The following SPMIP2 variants were observed in gnomAD, a reference collection of about 807,000 sequenced individuals.
SPMIP2 encodes protein SPMIP2.
the SPMIP2 span, among the ~76,000 whole-genome samples, chr4:158,946,998 G>A: frequency 6.6e-6 from 1 of 152,116 alleles, no homozygotes; most frequent in Non-Finnish European, 1.5e-5. Flanking sequence ...TCCTGACTAC[G>A]GCAGCAGCTT....
the SPMIP2 span, among the ~76,000 whole-genome samples, chr4:158,958,295 T>C: frequency 6.6e-6 from 1 of 152,206 alleles, no homozygotes; most frequent in Non-Finnish European, 1.5e-5. Flanking sequence ...CATGTCCTGT[T>C]AGTTTTTTAT....
the SPMIP2 span, among the ~76,000 whole-genome samples, chr4:159,036,029 A>G: frequency 2.5e-3 from 379 of 152,356 alleles, 2 homozygotes; most frequent in African/African-American, 8.8e-3. Context: ...TAAATAGTTA[A>G]TAGATGTTTG....
chr4:159,075,681 C>T, the SPMIP2 span, among the ~76,000 whole-genome samples: 5 of 152,112 alleles, frequency 3.3e-5, no homozygotes, highest in Admixed American at 1.3e-4. Flanking sequence ...TAGACCAATA[C>T]TCAGGGACTT....
the SPMIP2 span, among the ~76,000 whole-genome samples, chr4:158,914,144 C>T: frequency 1.3e-5 from 2 of 152,302 alleles, no homozygotes; most frequent in East Asian, 1.9e-4. Context: ...TAATCTGACA[C>T]AAAATTAGTT....
At chr4:158,913,989 G>A in the SPMIP2 span, among the ~76,000 whole-genome samples, 3 of 152,256 alleles carry the variant, frequency 2.0e-5, no homozygotes, top group Middle Eastern at 3.4e-3. Context: ...AGTATATCAC[G>A]TTCTTAGAGC....
chr4:159,012,959 T>C, the SPMIP2 span, among the ~76,000 whole-genome samples: 1 of 152,366 alleles, frequency 6.6e-6, no homozygotes, highest in East Asian at 1.9e-4. Context: ...GTTGTGTATT[T>C]GTTACATCAC....
At chr4:158,976,657 GCATT>G in the SPMIP2 span, among the ~76,000 whole-genome samples, 2 of 93,810 alleles carry the variant, frequency 2.1e-5, no homozygotes, top group African/African-American at 8.9e-5. Flanking sequence ...GGATGGATAA[GCATT>G]TTTTTTTTTT....
chr4:159,006,520 T>C, the SPMIP2 span, among the ~76,000 whole-genome samples: 1 of 152,220 alleles, frequency 6.6e-6, no homozygotes, highest in African/African-American at 2.4e-5. Flanking sequence ...TTACACTCCC[T>C]ACAGGATATG....
At chr4:158,969,020 CAT>C in the SPMIP2 span, among the ~76,000 whole-genome samples, 3,166 of 152,130 alleles carry the variant, frequency 0.021, 107 homozygotes, top group African/African-American at 0.072. Flanking sequence ...CTTATTACCT[CAT>C]ATAGTTTTTA....
the SPMIP2 span, among the ~76,000 whole-genome samples, chr4:158,946,416 G>C: frequency 6.6e-6 from 1 of 152,220 alleles, no homozygotes; most frequent in Non-Finnish European, 1.5e-5. Flanking sequence ...CATTTCAGGG[G>C]GGGGGACCCG....
At chr4:159,064,830 G>T in the SPMIP2 span, among the ~76,000 whole-genome samples, 1 of 152,154 alleles carries the variant, frequency 6.6e-6, no homozygotes, top group Non-Finnish European at 1.5e-5. Flanking sequence ...CACCTGTGAA[G>T]TTGTATAGAT....
At chr4:158,929,442 G>C in the SPMIP2 span, among the ~76,000 whole-genome samples, 1 of 152,066 alleles carries the variant, frequency 6.6e-6, no homozygotes, top group Non-Finnish European at 1.5e-5. Context: ...AATATTTTTT[G>C]TTTCTCTATT....
chr4:158,942,495 A>G, the SPMIP2 span, among the ~76,000 whole-genome samples: 1 of 152,238 alleles, frequency 6.6e-6, no homozygotes, highest in African/African-American at 2.4e-5. Flanking sequence ...CTGGCTGGAC[A>G]CTGTGGCTCA....
At chr4:158,899,090 A>C in the SPMIP2 span, among the ~76,000 whole-genome samples, 1 of 152,122 alleles carries the variant, frequency 6.6e-6, no homozygotes. Flanking sequence ...TTCTGCATCT[A>C]TTGAGATGAG....
the SPMIP2 span, among the ~76,000 whole-genome samples, chr4:158,991,549 G>A: frequency 6.6e-6 from 1 of 152,156 alleles, no homozygotes; most frequent in African/African-American, 2.4e-5. Context: ...ATTTTAGCAG[G>A]TGTTTTCACA....
the SPMIP2 span, among the ~76,000 whole-genome samples, chr4:159,058,880 A>G: frequency 6.6e-6 from 1 of 152,250 alleles, no homozygotes; most frequent in Non-Finnish European, 1.5e-5. Context: ...TTATCTTTAC[A>G]GTTTTACATA....
the SPMIP2 span, among the ~76,000 whole-genome samples, chr4:158,969,574 G>A: frequency 0.27 from 40,814 of 152,054 alleles, 6,216 homozygotes; most frequent in Middle Eastern, 0.34. Flanking sequence ...CCTCCGCAAC[G>A]TGGGGGAAGA....
At chr4:159,030,561 A>G in the SPMIP2 span, among the ~76,000 whole-genome samples, 1 of 151,810 alleles carries the variant, frequency 6.6e-6, no homozygotes, top group South Asian at 2.1e-4. Context: ...CCATGGTGCA[A>G]TCTTGGCTCA....
At chr4:158,988,352 AAAT>A in the SPMIP2 span, among the ~76,000 whole-genome samples, 12 of 152,222 alleles carry the variant, frequency 7.9e-5, no homozygotes, top group Admixed American at 3.9e-4. Context: ...AAACTATTCC[AAAT>A]AATAGAAAAA....
Sources: allele counts gnomAD v4.1 joint callset (sites outside exome capture counted in the v4.1 genomes callset), GRCh38; gene constraint gnomAD v4.1.1; transcripts MANE v1.5; gene names NCBI Gene and HGNC (gene_info 2026-07-23, HGNC 2026-07-21).